The following ANKRD11 variants were observed in gnomAD, a reference collection of about 807,000 sequenced individuals.
ANKRD11 encodes the protein ankyrin repeat domain 11.
A neutral mutation model predicts 195.7 loss-of-function variants in ANKRD11; 17 were observed. The ratio of observed to expected loss-of-function variants is 0.09; its 90% CI spans 0.06 to 0.13. The LOEUF (loss-of-function observed/expected upper bound fraction) is 0.13. ANKRD11 is among the 10% of genes least tolerant of loss of function. The pLI, the probability that ANKRD11 is intolerant of heterozygous loss-of-function variation, is 1.00. For missense variants in ANKRD11, 3,735 were observed against 3,566.1 expected (o/e 1.05, Z -1.21); for synonymous variants, 1,953 against 1,528.1 (o/e 1.28, Z -6.49).
intron 1 of ANKRD11, among the ~76,000 whole-genome samples, chr16:89,489,593 A>G (rs2057742219): frequency 6.6e-6 from 1 of 151,838 alleles, no homozygotes; most frequent in Admixed American, 6.5e-5. Flanking sequence ...GACGCTGAGA[A>G]TAACAACTAC....
chr16:89,415,837 A>AAAC lies in ANKRD11; in HGVS notation c.-60+2446_-60+2447insGTT, dbSNP rs1194004842. Among the ~76,000 whole-genome samples, 133 of 141,768 alleles carry AAAC rather than the reference A, an allele frequency of 9.4e-4. 3 individuals carry two copies. The highest frequency in any genetic ancestry group is 3.4e-3 in the African/African-American group (128 of 37,924). The allele number at this position is 141,768 out of a possible 152,430, so 93.0% of individuals were successfully genotyped here. A position where few individuals can be genotyped will look rare whatever the true frequency, so the allele number is the denominator to read the frequency against. Reference sequence around the variant, plus strand: ...AAAGCTAGACTCTGTCTCAAAAAAAAAAAAAAAAAAAAACAATGGAGAACC... The same window carrying AAAC: ...AAAGCTAGACTCTGTCTCAAAAAAAAAACAAAAAAAAAAAAACAATGGAGAACC... On this transcript the variant is annotated intron_variant, in intron 2 of 12. Transcript: ENST00000301030.
intron 1 of ANKRD11, among the ~76,000 whole-genome samples, chr16:89,447,471 C>T (rs2043845000): frequency 6.6e-6 from 1 of 152,178 alleles, no homozygotes; most frequent in Admixed American, 6.5e-5. Flanking sequence ...TGATCCCATC[C>T]ATGCACCCAC....
At chr16:89,422,665 G>C (rs1005868899) in intron 1 of ANKRD11, among the ~76,000 whole-genome samples, 1 of 152,218 alleles carries the variant, frequency 6.6e-6, no homozygotes, top group African/African-American at 2.4e-5. Flanking sequence ...AACAGTCACA[G>C]CCACGAGCAC....
chr16:89,418,381 A>G lies in ANKRD11; in HGVS notation c.-144-13T>C. ...GGCTGTATATATTCTGAAACAAGAG[A>G]GTGAGATTAGCTCATGTCAATAATA... On this transcript the variant is annotated splice_polypyrimidine_tract_variant and intron_variant, in intron 1 of 12. Coordinates refer to ENST00000301030, the MANE Select transcript of ANKRD11 (RefSeq NM_013275.6). The G allele has an allele frequency of 2.3e-6, 1 of 436,328 alleles. No homozygotes were observed. 27.0% of individuals were successfully genotyped at this position (436,328 alleles called of 1,614,324 possible).
chr16:89,402,027 A>G (rs991779980), intron 2 of ANKRD11, among the ~76,000 whole-genome samples: 6 of 148,172 alleles, frequency 4.0e-5, no homozygotes, highest in South Asian at 2.1e-4. Context: ...CCTTGCTGTG[A>G]AAGCTCCTGG....
At chr16:89,452,613 C>T (rs1200658706) in intron 1 of ANKRD11, among the ~76,000 whole-genome samples, 3 of 151,784 alleles carry the variant, frequency 2.0e-5, no homozygotes, top group Non-Finnish European at 2.9e-5. Flanking sequence ...CTCATCTCTA[C>T]TAAAAATACA....
Position 89,282,265 on chromosome 16 carries a change from T to C in ANKRD11, c.4277A>G (p.Glu1426Gly), listed in dbSNP as rs764558196. Residue 1426 changes from glutamate (E) to glycine (G), a missense_variant, in exon 9 of 13, where the codon GAA becomes GGA. Glu to Gly is a moderately conservative substitution (Grantham distance 98). Transcript: ENST00000301030. ...LDKTIELFSTEKKDKNDSERE... is the reference protein window; with the variant it reads ...LDKTIELFSTGKKDKNDSERE... ...CTCGGAATCATTTTTATCTTTCTTTTCGGTAGAAAACAATTCAATGGTTTT... is the reference window on the plus strand; with the variant it reads ...CTCGGAATCATTTTTATCTTTCTTTCCGGTAGAAAACAATTCAATGGTTTT... The C allele has an allele frequency of 6.2e-7, 1 of 1,614,190 alleles. No individual in the cohort carries two copies. The highest frequency in any genetic ancestry group is 8.5e-7 in the Non-Finnish European group (1 of 1,180,028).
At chr16:89,403,385 T>C (rs1011418194) in intron 2 of ANKRD11, among the ~76,000 whole-genome samples, 18 of 151,968 alleles carry the variant, frequency 1.2e-4, no homozygotes, top group African/African-American at 3.9e-4. Flanking sequence ...TGTCTGAGGA[T>C]AGGAAGCAGC....
chr16:89,341,325 A>C (rs1004039701), intron 2 of ANKRD11, among the ~76,000 whole-genome samples: 1 of 152,206 alleles, frequency 6.6e-6, no homozygotes, highest in Non-Finnish European at 1.5e-5. Context: ...ATTATTAATC[A>C]GGCAATCAAA....
At chr16:89,482,769 G>A (rs1294583450) in intron 1 of ANKRD11, among the ~76,000 whole-genome samples, 4 of 152,200 alleles carry the variant, frequency 2.6e-5, no homozygotes, top group African/African-American at 9.7e-5. Context: ...TCCAGCCTGG[G>A]CAACAGAGCC....
intron 1 of ANKRD11, among the ~76,000 whole-genome samples, chr16:89,478,376 C>G (rs1486789187): frequency 6.6e-6 from 1 of 152,004 alleles, no homozygotes; most frequent in Non-Finnish European, 1.5e-5. Flanking sequence ...AAGACATCCT[C>G]TTCTACACAA....
intron 4 of ANKRD11, among the ~76,000 whole-genome samples, chr16:89,292,895 C>T (rs1026911953): frequency 6.6e-6 from 1 of 152,214 alleles, no homozygotes; most frequent in African/African-American, 2.4e-5. Context: ...CCATGCTGCC[C>T]GGGGGCCGGC....
Position 89,282,036 on chromosome 16 carries a change from G to A in ANKRD11, c.4506C>T (p.Pro1502=), listed in dbSNP as rs760668509. 2.9e-5 allele frequency: 46 copies of A among 1,613,232 alleles called. No homozygotes were observed. Among genetic ancestry groups the A allele is most frequent in the African/African-American group, 1.3e-4 (10 of 74,844 alleles). ...GCGGGCTGTCCTTGTCCCTGGTGGC[G>A]GGCTTCTGCTCGTCCCTGTGATGCC... The part of the protein sequence containing the change: ...LLRHHRDEQK[P]ATRDKDSPPR... The change falls in exon 9 of 13, where the codon CCC becomes CCT. Residue 1502 remains proline, a synonymous_variant. Coordinates refer to ENST00000301030, the MANE Select transcript of ANKRD11 (RefSeq NM_013275.6).
chr16:89,270,228 G>A (rs1242680151), intron 12 of ANKRD11: 1 of 183,374 alleles, frequency 5.5e-6, no homozygotes, highest in Non-Finnish European at 1.2e-5. Context: ...ACGGGTGCTT[G>A]GTTCAGGGAC....
At chr16:89,372,863 C>T (rs994023635) in intron 2 of ANKRD11, 1 of 152,194 alleles carries the variant, frequency 6.6e-6, no homozygotes, top group Non-Finnish European at 1.5e-5. Context: ...CTGCACCACC[C>T]GTTCATCAGT....
At chr16:89,393,882 T>C (rs2965830) in intron 2 of ANKRD11, among the ~76,000 whole-genome samples, 79,755 of 151,916 alleles carry the variant, frequency 0.52, 21,243 homozygotes, top group Middle Eastern at 0.72. Context: ...ATGAGGAAAA[T>C]GTGTCAAAAA....
chr16:89,366,063 G>A (rs2039934674), intron 2 of ANKRD11, among the ~76,000 whole-genome samples: 1 of 149,978 alleles, frequency 6.7e-6, no homozygotes, highest in African/African-American at 2.5e-5. Flanking sequence ...CTGGAAGGTG[G>A]AGGTTGCAGT....
chr16:89,381,687 C>G (rs2040663336), intron 2 of ANKRD11, among the ~76,000 whole-genome samples: 1 of 152,206 alleles, frequency 6.6e-6, no homozygotes. Context: ...GAACTCTCAT[C>G]AGGAAACAGA....
intron 3 of ANKRD11, 79 bp downstream of exon 3, chr16:89,316,854 C>A: frequency 6.5e-7 from 1 of 1,527,552 alleles, no homozygotes; most frequent in Non-Finnish European, 8.9e-7. Context: ...GAACAGGCCA[C>A]AGGCGGGCAG....
Sources: gnomAD v4.1 joint callset for allele counts (sites outside exome capture counted in the v4.1 genomes callset) on GRCh38, gnomAD v4.1.1 for gene constraint, MANE v1.5 for transcripts, NCBI Gene and HGNC (gene_info 2026-07-23, HGNC 2026-07-21) for gene names.